MAPRE2: variants seen among roughly 807,000 people sequenced by gnomAD.
MAPRE2 encodes microtubule associated protein RP/EB family member 2.
Under a neutral mutation model 43.2 loss-of-function variants are expected in MAPRE2, and 13 were observed. The observed-to-expected ratio is 0.30, with a 90% CI of 0.20 to 0.48. The LOEUF is 0.48. Ranked by LOEUF, MAPRE2 falls within the 20% of genes least tolerant of loss-of-function variation. The pLI, the probability that MAPRE2 is intolerant of heterozygous loss-of-function variation, is 0.99. For missense variants in MAPRE2, 161 were observed against 400.2 expected (o/e 0.40, Z 5.10); for synonymous variants, 135 against 148.8 (o/e 0.91, Z 0.68).
chr18:35,061,008 G>A (rs1489296429), intron 1 of MAPRE2, among the ~76,000 whole-genome samples: 1 of 152,176 alleles, frequency 6.6e-6, no homozygotes, highest in African/African-American at 2.4e-5. Flanking sequence ...ATCATTAATG[G>A]TAAAAGGGAT....
intron 2 of MAPRE2, among the ~76,000 whole-genome samples, chr18:35,083,108 G>A (rs1428510463): frequency 2.0e-5 from 3 of 152,130 alleles, no homozygotes; most frequent in Non-Finnish European, 4.4e-5. Flanking sequence ...ACAAAAATTA[G>A]ATAAGATCTC....
chr18:35,040,651 T>C (rs2097053201), upstream of MAPRE2, among the ~76,000 whole-genome samples: 1 of 152,208 alleles, frequency 6.6e-6, no homozygotes, highest in Non-Finnish European at 1.5e-5. Context: ...CAAATGGAAA[T>C]AGAATAAATG....
chr18:35,105,889 A>G (rs974141363), intron 4 of MAPRE2, among the ~76,000 whole-genome samples: 40 of 152,244 alleles, frequency 2.6e-4, no homozygotes, highest in African/African-American at 9.6e-4. Flanking sequence ...GGCAGTCATC[A>G]ATACTCTCAT....
intron 2 of MAPRE2, among the ~76,000 whole-genome samples, chr18:35,016,114 G>A (rs1430317818): frequency 6.6e-6 from 1 of 151,902 alleles, no homozygotes; most frequent in East Asian, 1.9e-4. Flanking sequence ...CCATGTTGCT[G>A]TAAGGGACAT....
At chr18:35,052,041 C>T (rs1905963580) in intron 1 of MAPRE2, among the ~76,000 whole-genome samples, 1 of 152,122 alleles carries the variant, frequency 6.6e-6, no homozygotes, top group Non-Finnish European at 1.5e-5. Flanking sequence ...GGAAAAAAGT[C>T]AAACAAATTA....
intron 2 of MAPRE2, among the ~76,000 whole-genome samples, chr18:35,019,446 C>T (rs1331932139): frequency 2.0e-5 from 3 of 151,844 alleles, no homozygotes; most frequent in East Asian, 1.9e-4. Flanking sequence ...AATTTGAGTC[C>T]GGAATTTGTC....
At chr18:34,999,962 G>C (rs1373072256) in intron 1 of MAPRE2, among the ~76,000 whole-genome samples, 1 of 151,918 alleles carries the variant, frequency 6.6e-6, no homozygotes, top group Non-Finnish European at 1.5e-5. Flanking sequence ...CGTGGCGGCG[G>C]AGGCAGAGCT....
At chr18:35,127,879 C>T (rs1473796727) in intron 5 of MAPRE2, among the ~76,000 whole-genome samples, 4 of 152,150 alleles carry the variant, frequency 2.6e-5, no homozygotes, top group Non-Finnish European at 5.9e-5. Context: ...AGGTACTGCT[C>T]ATCTTTCCTA....
chr18:34,991,377 C>T (rs565040117), intron 1 of MAPRE2, among the ~76,000 whole-genome samples: 3 of 152,260 alleles, frequency 2.0e-5, no homozygotes, highest in South Asian at 2.1e-4. Context: ...CCGAGTAGAG[C>T]TTTGGAACCA....
At chr18:34,999,883 C>G (rs763735239) in intron 1 of MAPRE2, among the ~76,000 whole-genome samples, 2 of 152,040 alleles carry the variant, frequency 1.3e-5, no homozygotes, top group East Asian at 1.9e-4. Context: ...GGGAGGCAGT[C>G]TGGGCCTCCC....
intron 6 of MAPRE2, among the ~76,000 whole-genome samples, chr18:35,138,356 G>A (rs1439154915): frequency 6.6e-6 from 1 of 152,194 alleles, no homozygotes; most frequent in African/African-American, 2.4e-5. Context: ...CAGAAGTGGA[G>A]CTAGTTCTAG....
chr18:35,051,412 G>A (rs1269428987), intron 1 of MAPRE2, among the ~76,000 whole-genome samples: 2 of 152,152 alleles, frequency 1.3e-5, no homozygotes, highest in Non-Finnish European at 2.9e-5. Context: ...TTTGGGTTTG[G>A]GAAGCCAATT....
chr18:35,118,239 G>A (rs569018021), intron 4 of MAPRE2, among the ~76,000 whole-genome samples: 2 of 152,192 alleles, frequency 1.3e-5, no homozygotes, highest in East Asian at 1.9e-4. Context: ...GACCTGCAGC[G>A]CGCCTCACTC....
intron 1 of MAPRE2, among the ~76,000 whole-genome samples, chr18:35,058,653 A>G (rs1000207914): frequency 6.6e-6 from 1 of 152,240 alleles, no homozygotes; most frequent in African/African-American, 2.4e-5. Context: ...TTTGCCAGCC[A>G]AAAATTCATT....
Position 35,143,092 on chromosome 18 carries a change from A to G in MAPRE2, c.*2723A>G, listed in dbSNP as rs1233159088. The G allele has an allele frequency of 6.6e-6, 1 of 151,668 alleles. No individual in the cohort carries two copies. Among genetic ancestry groups the G allele is most frequent in the Admixed American group, 6.6e-5 (1 of 15,240 alleles). The allele number at this position is 151,668 out of a possible 1,614,324, so 9.4% of individuals were successfully genotyped here. A position where few individuals can be genotyped will look rare whatever the true frequency, so the allele number is the denominator to read the frequency against. On this transcript the variant is annotated 3_prime_UTR_variant, in exon 7 of 7. Coordinates refer to ENST00000300249, the MANE Select transcript of MAPRE2 (RefSeq NM_014268.4). ...GCAGGAAAAAAAAAAAAAAAAAAGA[A>G]AGAAAAACACCTGTTGACCTGAGAG...
chr18:35,140,474 T>G lies in MAPRE2; in HGVS notation c.*105T>G. 9.0e-7 allele frequency: 1 copy of G among 1,115,504 alleles called. No individual in the cohort carries two copies. Among genetic ancestry groups the G allele is most frequent in the Non-Finnish European group, 1.3e-6 (1 of 772,404 alleles). The allele number at this position is 1,115,504 out of a possible 1,614,324, so 69.1% of individuals were successfully genotyped here. On this transcript the variant is annotated 3_prime_UTR_variant, in exon 7 of 7. Transcript: ENST00000300249. ...CTCAACAGAAACCAGTTGTTCCCAA[T>G]CTGCCGTTACCATCAACGCACTGTT...
At chr18:35,021,097 G>A (rs951513932) in intron 2 of MAPRE2, among the ~76,000 whole-genome samples, 5 of 152,132 alleles carry the variant, frequency 3.3e-5, no homozygotes, top group Non-Finnish European at 5.9e-5. Context: ...CATCTCAAGG[G>A]GGCAGAGAGA....
chr18:34,992,961 G>A (rs373600525), intron 1 of MAPRE2, among the ~76,000 whole-genome samples: 12 of 152,280 alleles, frequency 7.9e-5, no homozygotes, highest in South Asian at 2.1e-4. Context: ...TCCCATTAGC[G>A]ATAAGGGAAG....
At chr18:35,008,479 CCA>C (rs2097032851) in intron 2 of MAPRE2, among the ~76,000 whole-genome samples, 1 of 152,188 alleles carries the variant, frequency 6.6e-6, no homozygotes, top group Non-Finnish European at 1.5e-5. Flanking sequence ...TCCTAATTTT[CCA>C]CAGTGCATAT....
Sources: allele counts gnomAD v4.1 joint callset (sites outside exome capture counted in the v4.1 genomes callset), GRCh38; gene constraint gnomAD v4.1.1; transcripts MANE v1.5; gene names NCBI Gene and HGNC (gene_info 2026-07-23, HGNC 2026-07-21).